The following LARGE1 variants were observed in gnomAD, a reference collection of about 807,000 sequenced individuals.
The protein encoded by LARGE1 is xylosyl- and glucuronyltransferase LARGE1.
LARGE1 carries 43 observed loss-of-function variants against 87.6 expected under a neutral mutation model. The ratio of observed to expected loss-of-function variants is 0.49; its 90% confidence interval spans 0.38 to 0.63. The LOEUF (loss-of-function observed/expected upper bound fraction) is 0.63. LARGE1 is among the 30% of genes least tolerant of loss of function. The pLI, the probability that LARGE1 is intolerant of heterozygous loss-of-function variation, is 0.00. For synonymous variants in LARGE1, 434 were observed against 394.6 expected (o/e 1.10, Z -1.18); for missense variants, 802 against 1,000.2 (o/e 0.80, Z 2.67).
chr22:33,423,742 A>C (rs1342880242), intron 7 of LARGE1, among the ~76,000 whole-genome samples: 1 of 151,802 alleles, frequency 6.6e-6, no homozygotes, highest in East Asian at 1.9e-4. Context: ...CTTGAATTTC[A>C]TTCCAGGATT....
At chr22:33,584,350 C>T (rs117301852) in intron 5 of LARGE1, among the ~76,000 whole-genome samples, 2,183 of 152,266 alleles carry the variant, frequency 0.014, 28 homozygotes, top group Non-Finnish European at 0.024. Context: ...CACTTCCCCC[C>T]GACTCCTGGA....
At chr22:33,174,908 G>T (rs1392169932) in intron 11 of LARGE1, among the ~76,000 whole-genome samples, 1 of 152,194 alleles carries the variant, frequency 6.6e-6, no homozygotes, top group Non-Finnish European at 1.5e-5. Flanking sequence ...GAGGTACAAA[G>T]AGGAGCTGGT....
intron 2 of LARGE1, among the ~76,000 whole-genome samples, chr22:33,734,499 A>C (rs913660611): frequency 6.6e-6 from 1 of 152,176 alleles, no homozygotes; most frequent in Non-Finnish European, 1.5e-5. Flanking sequence ...GTAGTGAGAG[A>C]CCACTGAAGA....
At chr22:33,465,107 T>G (rs949560450) in intron 6 of LARGE1, among the ~76,000 whole-genome samples, 5 of 152,238 alleles carry the variant, frequency 3.3e-5, no homozygotes, top group Admixed American at 3.3e-4. Context: ...ATGTGACTTA[T>G]TCACATGCAT....
At chr22:33,226,568 A>G (rs1925743611) in intron 11 of LARGE1, among the ~76,000 whole-genome samples, 1 of 152,176 alleles carries the variant, frequency 6.6e-6, no homozygotes, top group Non-Finnish European at 1.5e-5. Flanking sequence ...CCAGACAAGA[A>G]TCCTCCTTTT....
At chr22:33,424,549 G>A (rs985837811) in intron 7 of LARGE1, among the ~76,000 whole-genome samples, 1 of 152,210 alleles carries the variant, frequency 6.6e-6, no homozygotes, top group Non-Finnish European at 1.5e-5. Context: ...AACCCGTCCA[G>A]GCATAGTGGC....
At chr22:33,335,697 CT>C (rs1312757325) in intron 10 of LARGE1, among the ~76,000 whole-genome samples, 4 of 152,212 alleles carry the variant, frequency 2.6e-5, no homozygotes, top group Non-Finnish European at 5.9e-5. Flanking sequence ...GGCCATCCTT[CT>C]GTTCCACACC....
rs577924860 is a variant in LARGE1, at chr22:33,610,709, C to A, written c.492-6151G>T. 4.6e-5 allele frequency among the ~76,000 whole-genome samples: 7 copies of A among 152,186 alleles called. No homozygotes were observed. The East Asian group carries it at 1.4e-3, about 30-fold the overall frequency. ...AGCATAACTAAAAAGGGGCCAGGTA[C>A]GACAGCCAAGACAATGGGAAAAAGG... is the stretch of plus-strand genomic sequence containing the variant. On this transcript the variant is annotated intron_variant, in intron 4 of 14. Coordinates refer to ENST00000397394, the MANE Select transcript of LARGE1 (RefSeq NM_133642.5).
chr22:33,485,506 A>G (rs995291561), intron 6 of LARGE1, among the ~76,000 whole-genome samples: 1 of 150,802 alleles, frequency 6.6e-6, no homozygotes, highest in African/African-American at 2.5e-5. Context: ...TTTTTAAATA[A>G]AAAAAGGAAT....
At chr22:33,324,185 T>C (rs1026521545) in intron 10 of LARGE1, among the ~76,000 whole-genome samples, 6 of 126,396 alleles carry the variant, frequency 4.7e-5, no homozygotes, top group African/African-American at 1.6e-4. Flanking sequence ...GCTGAGATCA[T>C]GTCATTGCAC....
intron 4 of LARGE1, among the ~76,000 whole-genome samples, chr22:33,625,136 C>T (rs2079881481): frequency 6.6e-6 from 1 of 152,202 alleles, no homozygotes; most frequent in Admixed American, 6.5e-5. Flanking sequence ...TATGGAGAGC[C>T]TCCTGGATCC....
At chr22:33,285,780 G>A (rs1395483285) in intron 12 of LARGE1, among the ~76,000 whole-genome samples, 1 of 152,204 alleles carries the variant, frequency 6.6e-6, no homozygotes, top group African/African-American at 2.4e-5. Context: ...AGTTAGCCCA[G>A]GCCTGAATGG....
intron 3 of LARGE1, among the ~76,000 whole-genome samples, chr22:33,632,825 G>T (rs1397155344): frequency 6.6e-6 from 1 of 152,120 alleles, no homozygotes; most frequent in Non-Finnish European, 1.5e-5. Flanking sequence ...ACAAACTTGA[G>T]AATTTATACA....
the LARGE1 span, among the ~76,000 whole-genome samples, chr22:33,087,812 G>A: frequency 6.6e-6 from 1 of 152,096 alleles, no homozygotes; most frequent in South Asian, 2.1e-4. Context: ...GCACATGCCT[G>A]TAATCCCAGC....
intron 7 of LARGE1, among the ~76,000 whole-genome samples, chr22:33,405,713 G>A (rs2066073307): frequency 6.6e-6 from 1 of 152,114 alleles, no homozygotes; most frequent in Non-Finnish European, 1.5e-5. Context: ...CCTTACAAAC[G>A]ATGTAGTGGG....
intron 2 of LARGE1, among the ~76,000 whole-genome samples, chr22:33,652,121 A>G (rs1020630079): frequency 1.3e-5 from 2 of 152,200 alleles, no homozygotes; most frequent in Admixed American, 1.3e-4. Flanking sequence ...GGTTGCAGTA[A>G]GCCGAGATTG....
intron 12 of LARGE1, among the ~76,000 whole-genome samples, chr22:33,296,512 T>A (rs1466005347): frequency 6.6e-6 from 1 of 152,056 alleles, no homozygotes; most frequent in African/African-American, 2.4e-5. Flanking sequence ...AGGCTAAGCA[T>A]AGAACACCTA....
At position 33,890,292 on chromosome 22, in the gene LARGE1, T is replaced by C. The variant is rs184387085; in HGVS notation, c.-83+29703A>G. Among the ~76,000 whole-genome samples, 264 of 152,322 alleles carry C rather than the reference T, an allele frequency of 1.7e-3. 2 individuals are homozygous for C. Among genetic ancestry groups the C allele is most frequent in the African/African-American group, 5.9e-3 (246 of 41,578 alleles). ...AAGGCGGGGCTCACACTCCTGTTTA[T>C]TCCATCTTAGGGTTTTATGTGAGGA... is the stretch of plus-strand genomic sequence containing the variant. On this transcript the variant is annotated intron_variant, in intron 1 of 14. Coordinates refer to ENST00000397394, the MANE Select transcript of LARGE1 (RefSeq NM_133642.5).
intron 1 of LARGE1, among the ~76,000 whole-genome samples, chr22:33,815,322 T>G (rs1450474521): frequency 6.6e-6 from 1 of 152,214 alleles, no homozygotes; most frequent in Non-Finnish European, 1.5e-5. Flanking sequence ...ACCCTTATCA[T>G]TGTTGTCCAG....
Sources: allele counts gnomAD v4.1 joint callset (sites outside exome capture counted in the v4.1 genomes callset), GRCh38; gene constraint gnomAD v4.1.1; transcripts MANE v1.5; gene names NCBI Gene and HGNC (gene_info 2026-07-23, HGNC 2026-07-21).